The following OTOGL variants were observed in gnomAD, a reference collection of about 807,000 sequenced individuals.
The protein encoded by OTOGL is otogelin like.
OTOGL carries 285 observed loss-of-function variants against 318.5 expected under a neutral mutation model. The ratio of observed to expected loss-of-function variants is 0.89; its 90% CI spans 0.81 to 0.99. The LOEUF (loss-of-function observed/expected upper bound fraction) is 0.99. Ranked by LOEUF, OTOGL falls within the 50% of genes least tolerant of loss-of-function variation. The pLI, the probability that OTOGL is intolerant of heterozygous loss-of-function variation, is 0.00. For missense variants in OTOGL, 2,899 were observed against 2,845.6 expected, an observed-to-expected ratio of 1.02 and a Z score of -0.43; for synonymous variants, 987 against 936.5, an observed-to-expected ratio of 1.05 and a Z score of -0.99.
At chr12:80,238,764 T>G in intron 9 of OTOGL, 87 bp from the exon 10 acceptor site, 2 of 1,284,630 alleles carry the variant, frequency 1.6e-6, no homozygotes, top group Non-Finnish European at 2.0e-6. Flanking sequence ...GACCAGGAAG[T>G]TTGTGTTGAA....
intron 38 of OTOGL, among the ~76,000 whole-genome samples, chr12:80,334,157 C>T (rs1426006450): frequency 6.6e-5 from 10 of 152,102 alleles, no homozygotes. Context: ...AGATGATGAT[C>T]TATCACCTGG....
intron 1 of OTOGL, among the ~76,000 whole-genome samples, chr12:80,126,660 A>T (rs182168309): frequency 1.3e-3 from 205 of 152,166 alleles, no homozygotes; most frequent in African/African-American, 4.7e-3. Context: ...TCCCGTTATT[A>T]TTGTGTGGGA....
intron 36 of OTOGL, 96 bp downstream of exon 36, chr12:80,328,840 C>CA (rs1404105867): frequency 8.4e-7 from 1 of 1,183,700 alleles, no homozygotes; most frequent in Non-Finnish European, 1.2e-6. Flanking sequence ...TTTAAACAGA[C>CA]AATCAACTCT....
intron 32 of OTOGL, among the ~76,000 whole-genome samples, chr12:80,314,723 T>A (rs760285123): frequency 2.0e-5 from 3 of 152,158 alleles, no homozygotes; most frequent in Admixed American, 2.0e-4. Context: ...ATCTTATTTT[T>A]AAATTGACAA....
intron 44 of OTOGL, among the ~76,000 whole-genome samples, chr12:80,344,312 A>G (rs2137958476): frequency 6.6e-6 from 1 of 152,292 alleles, no homozygotes; most frequent in Non-Finnish European, 1.5e-5. Flanking sequence ...TGACTATTCA[A>G]GGCATAATGA....
Position 80,357,020 on chromosome 12 carries a change from GTTA to G in OTOGL, c.6019+108_6019+110del, listed in dbSNP as rs948468295. 14 of 568,602 alleles carry G rather than the reference GTTA, an allele frequency of 2.5e-5. No individual in the cohort carries two copies. In the African/African-American group the frequency reaches 2.5e-4, roughly 10 times the overall value. 35.2% of individuals were successfully genotyped at this position (568,602 alleles called of 1,614,324 possible). On this transcript the variant is annotated intron_variant, in intron 49 of 58. Transcript: ENST00000547103. ...GACTGATGGCAAGCAATATTCTGAT[GTTA>G]TAAGAATTCAACTGAATGAGAACTC...
rs1366656502 is a variant in OTOGL, at chr12:80,358,804, A to T, written c.6226+29A>T. 1.9e-6 allele frequency: 3 copies of T among 1,569,396 alleles called. No individual in the cohort carries two copies. In the South Asian group the frequency reaches 3.4e-5, roughly 18 times the overall value. The stretch of plus-strand genomic sequence containing the variant: ...ACTAATTTTCATATTTTAAGGTTTC[A>T]TTATAATAAGTTAATTATTTTGATC... On this transcript the variant is annotated intron_variant, in intron 51 of 58. Coordinates refer to ENST00000547103, the MANE Select transcript of OTOGL (RefSeq NM_001378609.3).
intron 45 of OTOGL, among the ~76,000 whole-genome samples, chr12:80,352,805 T>C (rs1032503856): frequency 6.6e-6 from 1 of 152,238 alleles, no homozygotes; most frequent in Admixed American, 6.5e-5. Flanking sequence ...TTTTTAATAG[T>C]ATGACTTTTT....
chr12:80,375,752 G>T (rs1891143921), intron 57 of OTOGL, among the ~76,000 whole-genome samples: 1 of 152,112 alleles, frequency 6.6e-6, no homozygotes, highest in Non-Finnish European at 1.5e-5. Context: ...TGGTAAAGAT[G>T]ATTTTTTTCA....
chr12:80,290,964 G>T (rs1173897808), intron 26 of OTOGL, among the ~76,000 whole-genome samples: 2 of 152,100 alleles, frequency 1.3e-5, no homozygotes, highest in African/African-American at 2.4e-5. Context: ...GCAGAATGCT[G>T]GGCATTTGGT....
At chr12:80,174,402 T>C (rs1874397144) in intron 1 of OTOGL, among the ~76,000 whole-genome samples, 1 of 152,204 alleles carries the variant, frequency 6.6e-6, no homozygotes, top group Admixed American at 6.6e-5. Context: ...GGGACTGATT[T>C]GTTTGCAAAA....
intron 1 of OTOGL, among the ~76,000 whole-genome samples, chr12:80,189,029 C>T (rs1875495897): frequency 6.6e-6 from 1 of 152,140 alleles, no homozygotes; most frequent in African/African-American, 2.4e-5. Flanking sequence ...GTCCATGTTT[C>T]CCTCTAATTT....
At chr12:80,193,004 A>C (rs1217359369) in intron 1 of OTOGL, among the ~76,000 whole-genome samples, 2 of 151,772 alleles carry the variant, frequency 1.3e-5, no homozygotes, top group African/African-American at 2.4e-5. Flanking sequence ...AAAAAAACCG[A>C]ATCAGTTGAA....
chr12:80,328,605 C>CTTTTTTTT, intron 35 of OTOGL, 60 bp from the exon 36 acceptor site: 1 of 1,026,942 alleles, frequency 9.7e-7, no homozygotes, highest in Non-Finnish European at 1.4e-6. Flanking sequence ...AAATGTAGTC[C>CTTTTTTTT]TTTTTTTTTT....
rs1878413402 is a variant in OTOGL at position 80,222,207 on chromosome 12, A to G, written c.451A>G (p.Lys151Glu). Residue 151 changes from lysine to glutamate, a missense_variant, in exon 7 of 59, where the codon AAG (lysine) becomes GAG (glutamate). Physicochemically the swap from Lys to Glu is moderately conservative, Grantham distance 56. Transcript: ENST00000547103. ...FPGNCSYIFA[K>E]DCGDLEPRYT... The stretch of plus-strand genomic sequence containing the variant: ...AGGAAACTGTTCTTACATTTTTGCA[A>G]AGGACTGTGGTGATTTGGAGCCTCG... The G allele has an allele frequency of 1.3e-6, 2 of 1,598,222 alleles. No individual in the cohort carries two copies. Among genetic ancestry groups the G allele is most frequent in the Non-Finnish European group, 1.7e-6 (2 of 1,178,726 alleles).
At chr12:80,338,786 T>C (rs1008430705) in intron 42 of OTOGL, among the ~76,000 whole-genome samples, 13 of 151,980 alleles carry the variant, frequency 8.6e-5, no homozygotes, top group African/African-American at 2.9e-4. Flanking sequence ...AATATAAACA[T>C]AGATTGAAGG....
intron 9 of OTOGL, among the ~76,000 whole-genome samples, chr12:80,233,571 T>C (rs1354755898): frequency 6.6e-6 from 1 of 152,240 alleles, no homozygotes; most frequent in Non-Finnish European, 1.5e-5. Flanking sequence ...TAATCAACTG[T>C]GAGCAGGAAA....
chr12:80,256,922 A>G (rs1322859554), intron 17 of OTOGL, among the ~76,000 whole-genome samples: 1 of 152,026 alleles, frequency 6.6e-6, no homozygotes, highest in Non-Finnish European at 1.5e-5. Context: ...CAGATCAAGG[A>G]GGTGTCGAAT....
intron 1 of OTOGL, among the ~76,000 whole-genome samples, chr12:80,146,774 G>C (rs1307835643): frequency 6.7e-6 from 1 of 149,576 alleles, no homozygotes; most frequent in Non-Finnish European, 1.5e-5. Context: ...ACTTCTTCCT[G>C]GTTTAGTCTT....
Sources: allele counts gnomAD v4.1 joint callset (sites outside exome capture counted in the v4.1 genomes callset), GRCh38; gene constraint gnomAD v4.1.1; transcripts MANE v1.5; gene names NCBI Gene and HGNC (gene_info 2026-07-23, HGNC 2026-07-21).